FAM117B: variants seen among roughly 807,000 people sequenced by gnomAD.
FAM117B encodes the protein family with sequence similarity 117 member B.
Under a neutral mutation model 52.8 loss-of-function variants are expected in FAM117B, and 22 were observed. The observed-to-expected ratio is 0.42, with a 90% confidence interval of 0.30 to 0.59. FAM117B has a LOEUF of 0.59. Among genes scored for constraint, FAM117B ranks in the 20% least tolerant of loss-of-function variants. FAM117B has a pLI of 0.22. For synonymous variants in FAM117B, 309 were observed against 324.1 expected (o/e 0.95, Z 0.50); for missense variants, 678 against 802.6 (o/e 0.84, Z 1.88).
intron 2 of FAM117B, among the ~76,000 whole-genome samples, chr2:202,697,415 G>T (rs1160478677): frequency 6.6e-6 from 1 of 152,102 alleles, no homozygotes; most frequent in Non-Finnish European, 1.5e-5. Context: ...TGCTAGTGAA[G>T]AATGAAAAAC....
At position 202,768,071 on chromosome 2, in the gene FAM117B, TTAAAA is replaced by T. The variant is rs1692010023; in HGVS notation, c.*2308_*2312del. Reference sequence around the variant, plus strand: ...GAAATCAGAATGGGGGTAGAGGAAGTTAAAAACAAGTTATTTAAAAAGAACTCTTG... The same window carrying T: ...GAAATCAGAATGGGGGTAGAGGAAGTACAAGTTATTTAAAAAGAACTCTTG... On this transcript the variant is annotated 3_prime_UTR_variant, in exon 8 of 8. Coordinates refer to ENST00000392238, the MANE Select transcript of FAM117B (RefSeq NM_173511.4). The T allele has an allele frequency of 1.9e-5, 2 of 105,176 alleles. No homozygotes were observed. The highest frequency in any genetic ancestry group is 2.6e-5 in the African/African-American group (1 of 38,068). The allele number at this position is 105,176 out of a possible 1,614,324, so 6.5% of individuals were successfully genotyped here. A position where few individuals can be genotyped will look rare whatever the true frequency, so the allele number is the denominator to read the frequency against.
intron 1 of FAM117B, among the ~76,000 whole-genome samples, chr2:202,669,551 T>C (rs1270247268): frequency 6.6e-6 from 1 of 152,160 alleles, no homozygotes; most frequent in East Asian, 1.9e-4. Flanking sequence ...TGGAAGTTAC[T>C]CTGTTAACTG....
chr2:202,650,957 C>A (rs533972932), intron 1 of FAM117B, among the ~76,000 whole-genome samples: 68 of 152,248 alleles, frequency 4.5e-4, no homozygotes, highest in African/African-American at 1.3e-3. Flanking sequence ...ACAAACAAAC[C>A]CGGGAACAAT....
chr2:202,758,402 G>A (rs944781975), intron 6 of FAM117B, among the ~76,000 whole-genome samples: 3 of 152,186 alleles, frequency 2.0e-5, no homozygotes, highest in South Asian at 4.2e-4. Context: ...CTACTTCTAC[G>A]TCAATAACAT....
intron 1 of FAM117B, among the ~76,000 whole-genome samples, chr2:202,686,516 G>A (rs1256199461): frequency 1.3e-5 from 2 of 152,134 alleles, no homozygotes; most frequent in East Asian, 1.9e-4. Flanking sequence ...CGCGCCCATC[G>A]GTAGGCTATT....
chr2:202,637,766 C>G (rs1197250194), intron 1 of FAM117B, among the ~76,000 whole-genome samples: 1 of 151,876 alleles, frequency 6.6e-6, no homozygotes, highest in Non-Finnish European at 1.5e-5. Context: ...CAGTTGTACT[C>G]CAAAGACCAT....
chr2:202,651,621 G>A (rs1053219435), intron 1 of FAM117B, among the ~76,000 whole-genome samples: 1 of 150,690 alleles, frequency 6.6e-6, no homozygotes, highest in South Asian at 2.1e-4. Flanking sequence ...TGTTCCACCC[G>A]CCTGGGCCTC....
At chr2:202,661,958 C>T (rs1330208405) in intron 1 of FAM117B, among the ~76,000 whole-genome samples, 1 of 151,730 alleles carries the variant, frequency 6.6e-6, no homozygotes, top group Non-Finnish European at 1.5e-5. Flanking sequence ...TCCCACGATC[C>T]CAATACTGGG....
chr2:202,701,287 C>T (rs1443117676), intron 2 of FAM117B, among the ~76,000 whole-genome samples: 1 of 152,140 alleles, frequency 6.6e-6, no homozygotes, highest in Non-Finnish European at 1.5e-5. Context: ...ATTTTAAGCC[C>T]ACCATTGAGA....
At chr2:202,703,931 G>A (rs1157870844) in intron 2 of FAM117B, among the ~76,000 whole-genome samples, 1 of 152,156 alleles carries the variant, frequency 6.6e-6, no homozygotes, top group East Asian at 1.9e-4. Flanking sequence ...CTATCCCCAT[G>A]TATGAAGGTA....
At position 202,765,925 on chromosome 2, in the gene FAM117B, C is replaced by T. The variant is rs532952500; in HGVS notation, c.*161C>T. 2 of 730,610 alleles carry T rather than the reference C, an allele frequency of 2.7e-6. No individual in the cohort carries two copies. Among genetic ancestry groups the T allele is most frequent in the Admixed American group, 5.9e-5 (2 of 34,022 alleles). 45.3% of individuals were successfully genotyped at this position (730,610 alleles called of 1,614,324 possible). A position where few individuals can be genotyped will look rare whatever the true frequency, so the allele number is the denominator to read the frequency against. Reference sequence around the variant, plus strand: ...GAAGAAAGGATCCCCCGTGACGGCTCTGCCCCACTTGTGAACGCCAACCCT... The same window carrying T: ...GAAGAAAGGATCCCCCGTGACGGCTTTGCCCCACTTGTGAACGCCAACCCT... On this transcript the variant is annotated 3_prime_UTR_variant, in exon 8 of 8. Transcript: ENST00000392238.
chr2:202,726,921 A>G (rs1691253636), intron 4 of FAM117B, among the ~76,000 whole-genome samples: 3 of 152,096 alleles, frequency 2.0e-5, no homozygotes, highest in African/African-American at 7.2e-5. Context: ...GTACCCTAGA[A>G]TTTAAAGTAT....
At position 202,765,534 on chromosome 2, in the gene FAM117B, C is replaced by T; in HGVS notation, c.1540C>T (p.Leu514Phe). The T allele has an allele frequency of 6.2e-7, 1 of 1,614,062 alleles. No homozygotes were observed. The highest frequency in any genetic ancestry group is 8.5e-7 in the Non-Finnish European group (1 of 1,180,024). Reference sequence around the variant, plus strand: ...TCCTAAAAGTGGATCTGCTTTCTGCCTCGTCAGCATCCTCAAGCCACTCCT... The same window carrying T: ...TCCTAAAAGTGGATCTGCTTTCTGCTTCGTCAGCATCCTCAAGCCACTCCT... ...FIPKSGSAFCLVSILKPLLPT... is the reference protein window; with the variant it reads ...FIPKSGSAFCFVSILKPLLPT... Residue 514 changes from leucine to phenylalanine, a missense_variant, in exon 8 of 8, where the codon CTC becomes TTC. Coordinates refer to ENST00000392238, the MANE Select transcript of FAM117B (RefSeq NM_173511.4).
intron 2 of FAM117B, among the ~76,000 whole-genome samples, chr2:202,707,739 A>G (rs1036349430): frequency 6.6e-6 from 1 of 151,706 alleles, no homozygotes; most frequent in African/African-American, 2.4e-5. Flanking sequence ...CAATCAATCA[A>G]TAAAACAAAT....
chr2:202,720,014 TAA>T (rs1229120261), intron 2 of FAM117B, among the ~76,000 whole-genome samples: 1 of 152,168 alleles, frequency 6.6e-6, no homozygotes, highest in African/African-American at 2.4e-5. Flanking sequence ...TCAGTGATGT[TAA>T]GTTTGATCCA....
chr2:202,703,330 A>T (rs538132708), intron 2 of FAM117B, among the ~76,000 whole-genome samples: 1 of 152,148 alleles, frequency 6.6e-6, no homozygotes, highest in Admixed American at 6.5e-5. Context: ...AGGTTCATTC[A>T]TGTTGTATCA....
intron 2 of FAM117B, among the ~76,000 whole-genome samples, chr2:202,711,520 T>C (rs1368137777): frequency 6.6e-6 from 1 of 152,178 alleles, no homozygotes; most frequent in African/African-American, 2.4e-5. Flanking sequence ...GTTGATTGTT[T>C]CCATTACTGT....
At chr2:202,685,132 G>C (rs1030717805) in intron 1 of FAM117B, among the ~76,000 whole-genome samples, 1 of 151,914 alleles carries the variant, frequency 6.6e-6, no homozygotes, top group African/African-American at 2.4e-5. Flanking sequence ...ACAGGTGCCC[G>C]CTACTATGCC....
At chr2:202,645,961 A>G (rs1173987866) in intron 1 of FAM117B, among the ~76,000 whole-genome samples, 1 of 150,176 alleles carries the variant, frequency 6.7e-6, no homozygotes, top group East Asian at 1.9e-4. Flanking sequence ...TTTGGCCATT[A>G]TACTTCAGTT....
Sources: gnomAD v4.1 joint callset for allele counts (sites outside exome capture counted in the v4.1 genomes callset) on GRCh38, gnomAD v4.1.1 for gene constraint, MANE v1.5 for transcripts, NCBI Gene and HGNC (gene_info 2026-07-23, HGNC 2026-07-21) for gene names.